Variants in NRDE2 observed in about 807,000 individuals in gnomAD.
NRDE2 encodes the protein nuclear exosome regulator NRDE2.
NRDE2 carries 76 observed loss-of-function variants against 124.2 expected under a neutral mutation model. The ratio of observed to expected loss-of-function variants is 0.61; its 90% CI spans 0.51 to 0.74. The LOEUF (loss-of-function observed/expected upper bound fraction) is 0.74, where lower values mean the gene tolerates loss of function less well. Ranked by LOEUF, NRDE2 falls within the 30% of genes least tolerant of loss-of-function variation. The probability of loss-of-function intolerance (pLI) is 0.00; values close to 1 mark genes in which losing one functional copy is unlikely to be tolerated. For synonymous variants in NRDE2, 489 were observed against 528.1 expected, an observed-to-expected ratio of 0.93 and a Z score of 1.01; for missense variants, 1,314 against 1,417.3, an observed-to-expected ratio of 0.93 and a Z score of 1.17.
At chr14:90,286,254 TCCTGGGCAGGG>T (rs1316150555) in intron 12 of NRDE2, 89 bp downstream of exon 12, 124 of 1,372,292 alleles carry the variant, frequency 9.0e-5, no homozygotes, top group Non-Finnish European at 1.1e-4. Context: ...CTCCCAGCTC[TCCTGGGCAGGG>T]GCTACTTCTC....
At chr14:90,289,209 C>T in intron 10 of NRDE2, 64 bp from the exon 11 acceptor site, 1 of 1,358,494 alleles carries the variant, frequency 7.4e-7, no homozygotes, top group Non-Finnish European at 1.0e-6. Flanking sequence ...CTGCTGCCAA[C>T]TGTAGAAAGC....
Position 90,316,671 on chromosome 14 carries a change from G to C in NRDE2, c.314C>G (p.Ser105Trp), listed in dbSNP as rs371333350. 1 of 1,613,938 alleles carries C rather than the reference G, an allele frequency of 6.2e-7. No individual in the cohort carries two copies. The highest frequency in any genetic ancestry group is 8.5e-7 in the Non-Finnish European group (1 of 1,179,992). Residue 105 changes from serine (S) to tryptophan (W), a missense_variant, in exon 3 of 14, where the codon TCG becomes TGG. Coordinates refer to ENST00000354366, the MANE Select transcript of NRDE2 (RefSeq NM_017970.4). ...GTCTGTCTCAGACCTGCTGCTACTC[G>C]ACGGCCCATGCTTCCTCTTTGTTTT... ...HKKTKRKHGP[S>W]SSSRSETDTD...
Position 90,268,582 on chromosome 14 carries a change from C to T in NRDE2, c.*9754G>A, listed in dbSNP as rs928482033. ...TCTCCCAGGAGCCAGCTAACAACTG[C>T]CCAGTAACTGTGAACGTCTGGAGAG... On this transcript the variant is annotated 3_prime_UTR_variant, in exon 14 of 14. Coordinates refer to ENST00000354366, the MANE Select transcript of NRDE2 (RefSeq NM_017970.4). 1 of 643,062 alleles carries T rather than the reference C, an allele frequency of 1.6e-6. No individual in the cohort carries two copies. Among genetic ancestry groups the T allele is most frequent in the Non-Finnish European group, 2.7e-6 (1 of 372,076 alleles). 39.8% of individuals were successfully genotyped at this position (643,062 alleles called of 1,614,324 possible).
chr14:90,283,650 T>C (rs1892015645), intron 12 of NRDE2, among the ~76,000 whole-genome samples: 1 of 151,896 alleles, frequency 6.6e-6, no homozygotes, highest in Admixed American at 6.6e-5. Flanking sequence ...AACCATAAGA[T>C]CAGAGCTTCT....
chr14:90,330,527 A>C (rs1316823642), intron 1 of NRDE2, among the ~76,000 whole-genome samples: 1 of 152,170 alleles, frequency 6.6e-6, no homozygotes, highest in Non-Finnish European at 1.5e-5. Flanking sequence ...ATTATGAGAA[A>C]TAGGACAAGC....
chr14:90,312,826 C>T (rs1382712731), intron 3 of NRDE2, among the ~76,000 whole-genome samples: 1 of 152,176 alleles, frequency 6.6e-6, no homozygotes, highest in Admixed American at 6.5e-5. Flanking sequence ...TATAGGTATA[C>T]AGCAGTTCTT....
Position 90,302,970 on chromosome 14 carries a change from C to A in NRDE2, c.1161G>T (p.Lys387Asn). 1.1e-5 allele frequency: 18 copies of A among 1,614,006 alleles called. No homozygotes were observed. The highest frequency in any genetic ancestry group is 1.4e-5 in the Non-Finnish European group (17 of 1,180,028). Residue 387 changes from lysine (K) to asparagine (N), a missense_variant, in exon 6 of 14, where the codon AAG (lysine) becomes AAT (asparagine). Coordinates refer to ENST00000354366, the MANE Select transcript of NRDE2 (RefSeq NM_017970.4). ...NQSSVDLKLA[K>N]LKLCTEFWEP... is the part of the protein sequence containing the mutation. ...CCCAGAACTCTGTGCAGAGCTTCAG[C>A]TTGGCCAGTTTCAGATCCACACTGC... is the stretch of plus-strand genomic sequence containing the variant.
At chr14:90,298,791 A>T (rs745808087) in intron 7 of NRDE2, among the ~76,000 whole-genome samples, 4 of 152,204 alleles carry the variant, frequency 2.6e-5, no homozygotes, top group Middle Eastern at 3.2e-3. Context: ...CAGTCTAACC[A>T]GGGACAGTGG....
chr14:90,318,010 C>G lies in NRDE2; in HGVS notation c.168G>C (p.Leu56=), dbSNP rs1215102669. 1.2e-6 allele frequency: 2 copies of G among 1,612,784 alleles called. No individual in the cohort carries two copies. The highest frequency in any genetic ancestry group is 1.7e-6 in the Non-Finnish European group (2 of 1,179,444). ...APAHVSEGLP[L]TRSHLKSESS... is the part of the protein sequence containing the mutation. ...ATCTGTCAAACAAAAACTACCTTGT[C>G]AGCGGTAACCCTTCAGAAACATGGG... Residue 56 remains leucine (L), a synonymous_variant, in exon 2 of 14, where the codon CTG becomes CTC. Coordinates refer to ENST00000354366, the MANE Select transcript of NRDE2 (RefSeq NM_017970.4).
At chr14:90,297,582 A>G (rs1884221478) in intron 8 of NRDE2, among the ~76,000 whole-genome samples, 1 of 152,160 alleles carries the variant, frequency 6.6e-6, no homozygotes, top group South Asian at 2.1e-4. Flanking sequence ...TATTTTTCAA[A>G]GTATCTGTTG....
Position 90,304,204 on chromosome 14 carries a change from G to A in NRDE2, c.736C>T (p.Pro246Ser). 5.0e-6 allele frequency: 8 copies of A among 1,614,164 alleles called. No homozygotes were observed. Among genetic ancestry groups the A allele is most frequent in the Non-Finnish European group, 6.8e-6 (8 of 1,180,044 alleles). Residue 246 changes from proline to serine, a missense_variant, in exon 5 of 14, where the codon CCC becomes TCC. Coordinates refer to ENST00000354366, the MANE Select transcript of NRDE2 (RefSeq NM_017970.4). The part of the protein sequence containing the change: ...GVAISSKTEP[P>S]SSEPISFIPV... The stretch of plus-strand genomic sequence containing the variant: ...ATAAAGGAGATGGGCTCAGATGAGG[G>A]AGGTTCAGTTTTACTGCTAATGGCA...
At position 90,278,327 on chromosome 14, in the gene NRDE2, C is replaced by A; in HGVS notation, c.*9G>T. On this transcript the variant is annotated 3_prime_UTR_variant, in exon 14 of 14. Coordinates refer to ENST00000354366, the MANE Select transcript of NRDE2 (RefSeq NM_017970.4). ...GCCTCGCAGGCACAGCCCGTTTTCC[C>A]GCTGCTCTCTAATCCTCCAGCAGCA... 6.2e-7 allele frequency: 1 copy of A among 1,614,036 alleles called. No homozygotes were observed. Among genetic ancestry groups the A allele is most frequent in the East Asian group, 2.2e-5 (1 of 44,858 alleles).
At chr14:90,314,945 G>A (rs1884983560) in intron 3 of NRDE2, among the ~76,000 whole-genome samples, 2 of 151,838 alleles carry the variant, frequency 1.3e-5, no homozygotes, top group African/African-American at 4.8e-5. Flanking sequence ...AGAGGCGGGT[G>A]GATTACCTGA....
intron 4 of NRDE2, among the ~76,000 whole-genome samples, chr14:90,307,219 TA>T (rs1884638570): frequency 6.6e-6 from 1 of 152,204 alleles, no homozygotes; most frequent in African/African-American, 2.4e-5. Context: ...CTCATACCAT[TA>T]ATCTTAGAAA....
At chr14:90,312,666 TAAGCA>T in intron 3 of NRDE2, 123 bp from the exon 4 acceptor site, 1 of 857,034 alleles carries the variant, frequency 1.2e-6, no homozygotes, top group South Asian at 1.5e-5. Flanking sequence ...CAAACACACC[TAAGCA>T]CATTAAATGT....
At chr14:90,331,753 C>A (rs974194565) in intron 1 of NRDE2, 88 bp downstream of exon 1, 4 of 1,428,406 alleles carry the variant, frequency 2.8e-6, no homozygotes, top group Non-Finnish European at 3.9e-6. Context: ...AATGGATACA[C>A]AAATCCAAAG....
rs201857070 is a variant in NRDE2, at chr14:90,316,670, C to T, written c.315G>A (p.Ser105=). The T allele has an allele frequency of 8.1e-6, 13 of 1,614,174 alleles. No individual in the cohort carries two copies. The highest frequency in any genetic ancestry group is 2.2e-5 in the East Asian group (1 of 44,892). The part of the protein sequence containing the change: ...HKKTKRKHGP[S]SSSRSETDTD... Reference sequence around the variant, plus strand: ...TGTCTGTCTCAGACCTGCTGCTACTCGACGGCCCATGCTTCCTCTTTGTTT... The same window carrying T: ...TGTCTGTCTCAGACCTGCTGCTACTTGACGGCCCATGCTTCCTCTTTGTTT... Residue 105 remains serine (S), a synonymous_variant, in exon 3 of 14, where the codon TCG becomes TCA. Coordinates refer to ENST00000354366, the MANE Select transcript of NRDE2 (RefSeq NM_017970.4).
Position 90,278,409 on chromosome 14 carries a change from A to G in NRDE2, c.3422T>C (p.Leu1141Pro). 6.2e-7 allele frequency: 1 copy of G among 1,614,152 alleles called. No individual in the cohort carries two copies. The highest frequency in any genetic ancestry group is 8.5e-7 in the Non-Finnish European group (1 of 1,180,002). ...EYFPDEMQEILDLMTEKELRV... is the reference protein window; with the variant it reads ...EYFPDEMQEIPDLMTEKELRV... ...GAGCTCCTTCTCAGTCATCAGGTCC[A>G]GGATCTCCTGCATCTCATCGGGGAA... Residue 1141 changes from leucine (L) to proline (P), a missense_variant, in exon 14 of 14, where the codon CTG (leucine) becomes CCG (proline). Transcript: ENST00000354366.
At chr14:90,278,968 G>T in intron 13 of NRDE2, 94 bp downstream of exon 13, 1 of 867,004 alleles carries the variant, frequency 1.2e-6, no homozygotes, top group Non-Finnish European at 1.9e-6. Context: ...GAGCATCCCC[G>T]GTGCCGCGGG....
Sources: gnomAD v4.1 joint callset for allele counts (sites outside exome capture counted in the v4.1 genomes callset) on GRCh38, gnomAD v4.1.1 for gene constraint, MANE v1.5 for transcripts, NCBI Gene and HGNC (gene_info 2026-07-23, HGNC 2026-07-21) for gene names.